Variants in MTMR8 observed in about 807,000 individuals in gnomAD.
MTMR8 encodes myotubularin related protein 8, also known as phosphatidylinositol-3,5-bisphosphate 3-phosphatase MTMR8.
In MTMR8, 65 loss-of-function variants were observed where a neutral mutation model predicts 39.3. The ratio of observed to expected loss-of-function variants is 1.65; its 90% CI spans 1.35 to 2.03. The LOEUF (loss-of-function observed/expected upper bound fraction) is 2.03. MTMR8 is among the 30% of genes most tolerant of loss of function. MTMR8 has a pLI of 0.00. For missense variants in MTMR8, 777 were observed against 538.9 expected (o/e 1.44, Z -4.37); for synonymous variants, 245 against 185.2 (o/e 1.32, Z -2.62).
At chrX:64,302,228 C>G (rs928145007) in intron 12 of MTMR8, among the ~76,000 whole-genome samples, 1 of 112,540 alleles carries the variant, frequency 8.9e-6, no homozygotes, top group African/African-American at 3.2e-5. Flanking sequence ...ATTCCGCGGG[C>G]GTAGGACCCT....
intron 7 of MTMR8, 69 bp downstream of exon 7, chrX:64,344,976 G>A (rs913252079): frequency 1.1e-5 from 12 of 1,118,606 alleles, no homozygotes; most frequent in Admixed American, 2.5e-5. Context: ...CCCAAATCAG[G>A]CATGCTTTCT....
At chrX:64,359,121 A>G (rs1923708152) in intron 2 of MTMR8, among the ~76,000 whole-genome samples, 1 of 111,377 alleles carries the variant, frequency 9.0e-6, no homozygotes, top group Non-Finnish European at 1.9e-5. Flanking sequence ...GCTTACAAAC[A>G]TAGTTCAGAA....
At chrX:64,286,315 T>C (rs1921174227) in intron 12 of MTMR8, among the ~76,000 whole-genome samples, 1 of 111,858 alleles carries the variant, frequency 8.9e-6, no homozygotes, top group South Asian at 3.7e-4. Context: ...ATTGAGGCAA[T>C]AATTAATAGC....
At chrX:64,313,637 C>T (rs964881564) in intron 12 of MTMR8, among the ~76,000 whole-genome samples, 53 of 112,547 alleles carry the variant, frequency 4.7e-4, no homozygotes, top group African/African-American at 1.6e-3. Flanking sequence ...AAGTGAGAAA[C>T]ATGTGACTCT....
intron 1 of MTMR8, among the ~76,000 whole-genome samples, chrX:64,379,155 G>A (rs1924346369): frequency 1.8e-5 from 2 of 111,529 alleles, no homozygotes; most frequent in African/African-American, 6.5e-5. Flanking sequence ...TTCTAAAACA[G>A]AAAGGTTTAG....
intron 11 of MTMR8, 75 bp from the exon 12 acceptor site, chrX:64,328,975 A>G: frequency 9.9e-7 from 1 of 1,014,862 alleles, no homozygotes; most frequent in Admixed American, 3.8e-5. Flanking sequence ...TTGAACTGAT[A>G]AGCAGCAAAT....
At chrX:64,372,186 T>A (rs1419275048) in intron 1 of MTMR8, among the ~76,000 whole-genome samples, 3 of 105,029 alleles carry the variant, frequency 2.9e-5, no homozygotes, top group Non-Finnish European at 5.8e-5. Flanking sequence ...AAAAAAAAAA[T>A]TACAGGAAGT....
chrX:64,353,515 G>A (rs1055807952), intron 4 of MTMR8, among the ~76,000 whole-genome samples: 2 of 112,161 alleles, frequency 1.8e-5, no homozygotes, highest in Admixed American at 9.4e-5. Context: ...ATAATCATCA[G>A]AAAGATGCAA....
At chrX:64,293,301 A>T (rs1921461367) in intron 12 of MTMR8, among the ~76,000 whole-genome samples, 1 of 111,385 alleles carries the variant, frequency 9.0e-6, no homozygotes, top group Non-Finnish European at 1.9e-5. Context: ...TAATTCTATG[A>T]CTATAACCCC....
intron 1 of MTMR8, among the ~76,000 whole-genome samples, chrX:64,371,714 C>G (rs989679471): frequency 9.0e-6 from 1 of 111,361 alleles, no homozygotes; most frequent in Non-Finnish European, 1.9e-5. Context: ...AATTTATACA[C>G]ATGAGAATAT....
intron 12 of MTMR8, among the ~76,000 whole-genome samples, chrX:64,313,866 GC>G (rs1200391842): frequency 8.9e-6 from 1 of 112,470 alleles, no homozygotes. Flanking sequence ...AGACACTCTG[GC>G]TTTTCAAGCT....
rs146392153 is a variant in MTMR8 at position 64,268,671 on chromosome X, A to G, written c.1981T>C (p.Ser661Pro). 1 of 1,211,603 alleles carries G rather than the reference A, an allele frequency of 8.3e-7. No individual in the cohort carries two copies. The highest frequency in any genetic ancestry group is 1.1e-6 in the Non-Finnish European group (1 of 895,485). The change falls in exon 14 of 14, where the codon TCT (serine) becomes CCT (proline). Residue 661 changes from serine (S) to proline (P), a missense_variant. Physicochemically the swap from Ser to Pro is moderately conservative, Grantham distance 74. Coordinates refer to ENST00000374852, the MANE Select transcript of MTMR8 (RefSeq NM_017677.4). ...TTTCCAGAGATGCCAGTGGCCTCAG[A>G]GATGTCCATGGCCCCACAGATTCCT... ...DLGICGAMDI[S>P]EATGISGNLG...
chrX:64,358,261 A>G (rs978634972), intron 2 of MTMR8, among the ~76,000 whole-genome samples: 7 of 111,955 alleles, frequency 6.3e-5, no homozygotes, highest in African/African-American at 2.3e-4. Flanking sequence ...AGTTAGCATC[A>G]GAGCTTAGTC....
intron 2 of MTMR8, among the ~76,000 whole-genome samples, chrX:64,356,703 T>C (rs1208349452): frequency 9.0e-6 from 1 of 111,391 alleles, no homozygotes; most frequent in Non-Finnish European, 1.9e-5. Flanking sequence ...TTTTTTCTTA[T>C]ATCAAATTAC....
intron 6 of MTMR8, 50 bp from the exon 7 acceptor site, chrX:64,345,227 A>T: frequency 2.6e-6 from 3 of 1,152,909 alleles, no homozygotes; most frequent in Non-Finnish European, 3.5e-6. Flanking sequence ...TGATGAAAGA[A>T]TGGAGTTCAT....
intron 12 of MTMR8, among the ~76,000 whole-genome samples, chrX:64,293,200 C>A (rs902682707): frequency 2.7e-5 from 3 of 111,473 alleles, no homozygotes; most frequent in Non-Finnish European, 5.7e-5. Flanking sequence ...TCTTTTTGGG[C>A]AATAATGGCT....
chrX:64,280,969 T>C (rs1470159689), intron 12 of MTMR8, among the ~76,000 whole-genome samples: 1 of 110,627 alleles, frequency 9.0e-6, no homozygotes, highest in Admixed American at 9.7e-5. Context: ...GAGAATACAA[T>C]TCCTAGGAAT....
intron 7 of MTMR8, among the ~76,000 whole-genome samples, chrX:64,344,571 G>C (rs1171406282): frequency 2.7e-5 from 3 of 111,019 alleles, no homozygotes; most frequent in African/African-American, 9.8e-5. Flanking sequence ...TTTTGTAGTC[G>C]ATAACAGATC....
At chrX:64,311,915 A>G (rs878979387) in intron 12 of MTMR8, among the ~76,000 whole-genome samples, 1 of 110,363 alleles carries the variant, frequency 9.1e-6, no homozygotes, top group African/African-American at 3.3e-5. Context: ...AGCCTTGTAG[A>G]ATAGTTTGAA....
Sources: gnomAD v4.1 joint callset for allele counts (sites outside exome capture counted in the v4.1 genomes callset) on GRCh38, gnomAD v4.1.1 for gene constraint, MANE v1.5 for transcripts, NCBI Gene and HGNC (gene_info 2026-07-23, HGNC 2026-07-21) for gene names.